The following GATAD2A variants were observed in gnomAD, a reference collection of about 807,000 sequenced individuals.
GATAD2A encodes the protein transcriptional repressor p66-alpha.
Under a neutral mutation model 68.5 loss-of-function variants are expected in GATAD2A, and 12 were observed. The observed-to-expected ratio is 0.18, with a 90% CI of 0.11 to 0.28. The LOEUF (loss-of-function observed/expected upper bound fraction) is 0.28, where lower values mean the gene tolerates loss of function less well. Ranked by LOEUF, GATAD2A falls within the 10% of genes least tolerant of loss-of-function variation. The pLI is 1.00. For missense variants in GATAD2A, 755 were observed against 868.5 expected, an observed-to-expected ratio of 0.87 and a Z score of 1.64; for synonymous variants, 410 against 375.3, an observed-to-expected ratio of 1.09 and a Z score of -1.07.
chr19:19,452,244 T>A (rs1357890384), intron 1 of GATAD2A, among the ~76,000 whole-genome samples: 1 of 152,174 alleles, frequency 6.6e-6, no homozygotes, highest in Non-Finnish European at 1.5e-5. Flanking sequence ...ATGTGTTCCT[T>A]GTCCCCTTCC....
chr19:19,494,252 G>A (rs760879309), intron 4 of GATAD2A, 42 bp from the exon 5 acceptor site: 2 of 1,164,160 alleles, frequency 1.7e-6, no homozygotes, highest in Non-Finnish European at 2.6e-6. Flanking sequence ...AGAGGGACCG[G>A]CCCGGTGGCC....
intron 1 of GATAD2A, among the ~76,000 whole-genome samples, chr19:19,454,147 G>C (rs866909844): frequency 1.3e-4 from 20 of 151,788 alleles, no homozygotes; most frequent in Middle Eastern, 3.4e-3. Flanking sequence ...ATAGGTATGC[G>C]CCACCACGCC....
At chr19:19,447,446 T>C (rs2055859808) in intron 1 of GATAD2A, among the ~76,000 whole-genome samples, 1 of 152,188 alleles carries the variant, frequency 6.6e-6, no homozygotes, top group Non-Finnish European at 1.5e-5. Context: ...ACTCCCCCAC[T>C]TCATGGCACA....
At chr19:19,421,633 A>AAGCTCC (rs2052430696) in intron 1 of GATAD2A, among the ~76,000 whole-genome samples, 1 of 152,100 alleles carries the variant, frequency 6.6e-6, no homozygotes, top group African/African-American at 2.4e-5. Context: ...TGATGTGTGC[A>AAGCTCC]GCCACTCTAC....
At chr19:19,411,107 C>T (rs573012831) in intron 1 of GATAD2A, among the ~76,000 whole-genome samples, 73 of 152,338 alleles carry the variant, frequency 4.8e-4, no homozygotes, top group African/African-American at 1.7e-3. Flanking sequence ...GGGGCGCATG[C>T]CTCAGCTTTG....
At chr19:19,419,684 T>G (rs376633679) in intron 1 of GATAD2A, among the ~76,000 whole-genome samples, 1 of 152,014 alleles carries the variant, frequency 6.6e-6, no homozygotes, top group Non-Finnish European at 1.5e-5. Flanking sequence ...GCCCAGCTAA[T>G]TTTTGTATTT....
exon 1 of GATAD2A, chr19:19,385,915 G>A (rs1362448916): frequency 6.7e-6 from 1 of 148,820 alleles, no homozygotes; most frequent in Non-Finnish European, 1.5e-5. Context: ...CCCAGGGTCA[G>A]CGCCCCGGCG....
intron 1 of GATAD2A, chr19:19,436,255 G>C (rs769092232): frequency 1.8e-6 from 2 of 1,120,086 alleles, no homozygotes; most frequent in Admixed American, 1.9e-5. Flanking sequence ...TGGAAGGAAG[G>C]TTCCACGCAT....
At chr19:19,395,068 C>A (rs1269712485) in intron 1 of GATAD2A, among the ~76,000 whole-genome samples, 1 of 152,224 alleles carries the variant, frequency 6.6e-6, no homozygotes, top group Non-Finnish European at 1.5e-5. Flanking sequence ...CCTCTGGGCT[C>A]TGCTGCCCTT....
In GATAD2A at chr19:19,465,321, T is replaced by G; in HGVS notation, c.-6-19T>G. 6.2e-7 allele frequency: 1 copy of G among 1,605,450 alleles called. No homozygotes were observed. The highest frequency in any genetic ancestry group is 1.7e-4 in the Middle Eastern group (1 of 6,046). ...CATTGCACCCAGTTAAAATGTTGTG[T>G]CTTCTCCTCCCTCCCAAGTTCAGAA... is the stretch of plus-strand genomic sequence containing the variant. On this transcript the variant is annotated intron_variant, in intron 1 of 11. Transcript: ENST00000683918.
At chr19:19,435,337 C>T (rs2054211987) in intron 1 of GATAD2A, among the ~76,000 whole-genome samples, 1 of 152,108 alleles carries the variant, frequency 6.6e-6, no homozygotes, top group African/African-American at 2.4e-5. Flanking sequence ...GATACTCCCA[C>T]CTCAGCCTCC....
At chr19:19,406,216 G>A (rs929142879) in intron 1 of GATAD2A, among the ~76,000 whole-genome samples, 197 bp downstream of exon 1, 1 of 146,472 alleles carries the variant, frequency 6.8e-6, no homozygotes, top group South Asian at 2.2e-4. Flanking sequence ...AAAGTTCCTT[G>A]CCCCGAGGCG....
At chr19:19,478,339 G>T (rs180693925) in intron 2 of GATAD2A, among the ~76,000 whole-genome samples, 6 of 152,168 alleles carry the variant, frequency 3.9e-5, no homozygotes, top group Non-Finnish European at 7.4e-5. Flanking sequence ...AGTGGCTTAC[G>T]CCTGTAATCC....
intron 1 of GATAD2A, among the ~76,000 whole-genome samples, chr19:19,388,516 G>A (rs1323516114): frequency 6.6e-6 from 1 of 151,972 alleles, no homozygotes; most frequent in Non-Finnish European, 1.5e-5. Flanking sequence ...GGCTGGAGGG[G>A]AAAGTCAAAA....
chr19:19,415,380 C>T (rs946290876), intron 1 of GATAD2A, among the ~76,000 whole-genome samples: 5 of 151,494 alleles, frequency 3.3e-5, no homozygotes, highest in East Asian at 3.9e-4. Flanking sequence ...GTCTTGAACT[C>T]GCGACTTCAG....
intron 1 of GATAD2A, among the ~76,000 whole-genome samples, chr19:19,387,978 T>G (rs552124151): frequency 4.6e-5 from 7 of 152,268 alleles, no homozygotes; most frequent in Admixed American, 3.9e-4. Context: ...ACTTGCCCTC[T>G]TTCTAGAGGC....
chr19:19,450,351 G>A (rs915993216), intron 1 of GATAD2A, among the ~76,000 whole-genome samples: 5 of 152,200 alleles, frequency 3.3e-5, no homozygotes, highest in Admixed American at 2.0e-4. Flanking sequence ...TGTCAGAGCT[G>A]AGCATGGCAC....
chr19:19,389,476 A>G (rs1295081034), intron 1 of GATAD2A, among the ~76,000 whole-genome samples: 1 of 152,084 alleles, frequency 6.6e-6, no homozygotes, highest in Non-Finnish European at 1.5e-5. Context: ...CCGAGGCTAT[A>G]ATTTGAGTTC....
At chr19:19,451,928 C>CGT (rs2056427784) in intron 1 of GATAD2A, among the ~76,000 whole-genome samples, 1 of 152,176 alleles carries the variant, frequency 6.6e-6, no homozygotes, top group Non-Finnish European at 1.5e-5. Flanking sequence ...AGCCTTGAAC[C>CGT]CATGGACTCA....
Sources: allele counts gnomAD v4.1 joint callset (sites outside exome capture counted in the v4.1 genomes callset), GRCh38; gene constraint gnomAD v4.1.1; transcripts MANE v1.5; gene names NCBI Gene and HGNC (gene_info 2026-07-23, HGNC 2026-07-21).